ROBO2: variants seen among roughly 807,000 people sequenced by gnomAD.
ROBO2 encodes roundabout guidance receptor 2.
Under a neutral mutation model 160.8 loss-of-function variants are expected in ROBO2, and 53 were observed. The observed-to-expected ratio is 0.33, with a 90% CI of 0.26 to 0.41. ROBO2 has a LOEUF of 0.41. ROBO2 is among the 10% of genes least tolerant of loss of function. ROBO2 has a pLI of 1.00. For synonymous variants in ROBO2, 664 were observed against 611.7 expected, an observed-to-expected ratio of 1.09 and a Z score of -1.26; for missense variants, 1,577 against 1,722.4, an observed-to-expected ratio of 0.92 and a Z score of 1.49.
At chr3:76,270,522 C>T (rs1707368710) in intron 2 of ROBO2, among the ~76,000 whole-genome samples, 1 of 152,006 alleles carries the variant, frequency 6.6e-6, no homozygotes, top group African/African-American at 2.4e-5. Context: ...TAGATGATAA[C>T]TCCTTCTTCC....
At chr3:76,992,304 G>A (rs575530117) in intron 2 of ROBO2, among the ~76,000 whole-genome samples, 90 of 127,856 alleles carry the variant, frequency 7.0e-4, no homozygotes, top group Non-Finnish European at 1.3e-3. Flanking sequence ...TTCTATAGAA[G>A]CTATCTATAT....
chr3:76,608,625 G>T (rs984411279), intron 2 of ROBO2, among the ~76,000 whole-genome samples: 75 of 152,192 alleles, frequency 4.9e-4, no homozygotes, highest in African/African-American at 1.2e-3. Context: ...TGCTTGTGGG[G>T]TATTATTCAA....
intron 14 of ROBO2, among the ~76,000 whole-genome samples, chr3:77,575,505 C>T (rs2093740072): frequency 6.6e-6 from 1 of 151,974 alleles, no homozygotes; most frequent in Non-Finnish European, 1.5e-5. Context: ...ATATAGGTTG[C>T]CCACGTTAAC....
chr3:77,470,858 T>A (rs2083282547), intron 2 of ROBO2, among the ~76,000 whole-genome samples: 1 of 152,174 alleles, frequency 6.6e-6, no homozygotes. Context: ...TTGTGCCACA[T>A]AACTCCAGCA....
chr3:77,504,357 A>G (rs1455076246), intron 5 of ROBO2, among the ~76,000 whole-genome samples: 1 of 152,020 alleles, frequency 6.6e-6, no homozygotes, highest in African/African-American at 2.4e-5. Context: ...TGTTATAAAA[A>G]TATGTCCTAT....
chr3:77,099,153 C>T (rs142910359), intron 2 of ROBO2, among the ~76,000 whole-genome samples: 337 of 148,174 alleles, frequency 2.3e-3, no homozygotes, highest in African/African-American at 7.8e-3. Context: ...CTCACTGCAA[C>T]CTCTGCCTCA....
At chr3:77,610,931 C>G (rs1042200584) in intron 21 of ROBO2, among the ~76,000 whole-genome samples, 10 of 151,958 alleles carry the variant, frequency 6.6e-5, no homozygotes, top group African/African-American at 2.2e-4. Flanking sequence ...TAGTACTCCT[C>G]ATATTGCACT....
At chr3:77,353,904 A>C (rs1257796310) in intron 2 of ROBO2, among the ~76,000 whole-genome samples, 1 of 151,912 alleles carries the variant, frequency 6.6e-6, no homozygotes, top group African/African-American at 2.4e-5. Context: ...CTCTTCTTGG[A>C]TTAAACTCTA....
intron 2 of ROBO2, among the ~76,000 whole-genome samples, chr3:76,517,807 G>A (rs1252365457): frequency 6.6e-6 from 1 of 152,002 alleles, no homozygotes; most frequent in East Asian, 1.9e-4. Flanking sequence ...GTCCAAAGTG[G>A]GTATCTACCT....
In ROBO2 at chr3:76,613,130, T is replaced by C. The variant is rs139279975; in HGVS notation, c.110-484884T>C. 1.1e-4 allele frequency among the ~76,000 whole-genome samples: 17 copies of C among 152,318 alleles called. No individual in the cohort carries two copies. In the East Asian group the frequency reaches 3.1e-3, roughly 28 times the overall value. On this transcript the variant is annotated intron_variant, in intron 2 of 26. Transcript: ENST00000487694. ...AATGTCATTATTGAAAAGTAAGGAC[T>C]TACTCCTGCCATTTTTTACTGGTTT...
intron 2 of ROBO2, among the ~76,000 whole-genome samples, chr3:77,377,014 T>G (rs1343434262): frequency 1.3e-5 from 2 of 152,214 alleles, no homozygotes; most frequent in African/African-American, 4.8e-5. Context: ...CCAGGTTTAT[T>G]TATTTGTAAA....
At chr3:77,507,294 A>C (rs965007943) in intron 5 of ROBO2, among the ~76,000 whole-genome samples, 2 of 152,184 alleles carry the variant, frequency 1.3e-5, no homozygotes, top group Admixed American at 1.3e-4. Flanking sequence ...CGGACTGAAC[A>C]TCCCTCTGAT....
At chr3:76,306,628 C>T (rs1036053011) in intron 2 of ROBO2, among the ~76,000 whole-genome samples, 3 of 152,134 alleles carry the variant, frequency 2.0e-5, no homozygotes, top group South Asian at 2.1e-4. Context: ...AGAGCTTAAA[C>T]GCTGGAATAA....
At chr3:76,083,068 A>G (rs145053387) in intron 2 of ROBO2, among the ~76,000 whole-genome samples, 1 of 152,228 alleles carries the variant, frequency 6.6e-6, no homozygotes, top group East Asian at 1.9e-4. Context: ...ATGAATTATG[A>G]TGACATTCAC....
intron 2 of ROBO2, among the ~76,000 whole-genome samples, chr3:76,978,555 A>G (rs1351607962): frequency 6.6e-6 from 1 of 152,116 alleles, no homozygotes; most frequent in East Asian, 1.9e-4. Flanking sequence ...TGCTCAGAAA[A>G]TCAGGATGAA....
chr3:76,587,359 A>C (rs1372390967), intron 2 of ROBO2, among the ~76,000 whole-genome samples: 1 of 152,098 alleles, frequency 6.6e-6, no homozygotes, highest in Non-Finnish European at 1.5e-5. Context: ...CCTATAAAGA[A>C]CTGCTTGAGA....
intron 2 of ROBO2, among the ~76,000 whole-genome samples, chr3:76,945,967 T>A (rs577790659): frequency 6.6e-6 from 1 of 152,364 alleles, no homozygotes; most frequent in Admixed American, 6.5e-5. Flanking sequence ...TTTCTGCTTT[T>A]GTTGCATGCC....
intron 1 of ROBO2, among the ~76,000 whole-genome samples, chr3:77,093,138 C>T (rs1002721079): frequency 1.3e-5 from 2 of 152,028 alleles, no homozygotes; most frequent in Admixed American, 6.5e-5. Context: ...GCTTATCAAA[C>T]GGTATTGTGC....
At chr3:77,309,561 G>A (rs895905726) in intron 2 of ROBO2, among the ~76,000 whole-genome samples, 1 of 152,192 alleles carries the variant, frequency 6.6e-6, no homozygotes, top group Admixed American at 6.5e-5. Context: ...GCCAAGTTTA[G>A]TACATAAAAA....
Sources: gnomAD v4.1 joint callset for allele counts (sites outside exome capture counted in the v4.1 genomes callset) on GRCh38, gnomAD v4.1.1 for gene constraint, MANE v1.5 for transcripts, NCBI Gene and HGNC (gene_info 2026-07-23, HGNC 2026-07-21) for gene names.